Variants in TLE4 observed in about 807,000 individuals in gnomAD.
TLE4 encodes the protein transducin-like enhancer protein 4.
TLE4 carries 8 observed loss-of-function variants against 92.8 expected under a neutral mutation model. That is an observed-to-expected ratio of 0.09 (90% CI 0.05 to 0.16). The LOEUF (loss-of-function observed/expected upper bound fraction) is 0.16, where lower values mean the gene tolerates loss of function less well. Ranked by LOEUF, TLE4 falls within the 10% of genes least tolerant of loss-of-function variation. TLE4 has a pLI of 1.00. For missense variants in TLE4, 675 were observed against 997.6 expected (o/e 0.68, Z 4.36); for synonymous variants, 371 against 374.1 (o/e 0.99, Z 0.10).
intron 12 of TLE4, among the ~76,000 whole-genome samples, 163 bp from the exon 13 acceptor site, chr9:79,708,430 A>G (rs576159977): frequency 5.2e-4 from 79 of 152,380 alleles, no homozygotes; most frequent in Non-Finnish European, 8.7e-4. Context: ...TAAGTGTTCA[A>G]TAGAACAAAG....
At chr9:79,573,175 G>C (rs1008284172) in intron 1 of TLE4, 1 of 916,178 alleles carries the variant, frequency 1.1e-6, no homozygotes, top group Non-Finnish European at 1.3e-6. Flanking sequence ...GGCGGGGAGG[G>C]CGCCCTCGGC....
At chr9:79,713,880 T>C (rs2073932270) in intron 14 of TLE4, among the ~76,000 whole-genome samples, 1 of 147,002 alleles carries the variant, frequency 6.8e-6, no homozygotes. Context: ...TTGTTGTTGT[T>C]TGAGAGAGAG....
At chr9:79,615,995 C>G (rs907087455) in intron 5 of TLE4, among the ~76,000 whole-genome samples, 9 of 152,108 alleles carry the variant, frequency 5.9e-5, no homozygotes, top group African/African-American at 1.2e-4. Context: ...CCTTGTGAAC[C>G]CTCATCTGTC....
At chr9:79,654,375 TTGGC>T (rs888130971) in intron 8 of TLE4, among the ~76,000 whole-genome samples, 15 of 152,250 alleles carry the variant, frequency 9.9e-5, no homozygotes, top group Admixed American at 7.2e-4. Context: ...CACTTAGGCT[TTGGC>T]TGTAAGATAA....
chr9:79,652,029 A>G (rs894890309), intron 6 of TLE4, among the ~76,000 whole-genome samples: 1 of 152,152 alleles, frequency 6.6e-6, no homozygotes, highest in Admixed American at 6.5e-5. Context: ...TTACTTATAT[A>G]CTTTCACCAC....
chr9:79,660,730 A>AG (rs2060409685), intron 8 of TLE4, among the ~76,000 whole-genome samples: 1 of 152,212 alleles, frequency 6.6e-6, no homozygotes. Flanking sequence ...CAGGTGTCCT[A>AG]ATTCTAGAAA....
intron 8 of TLE4, among the ~76,000 whole-genome samples, chr9:79,681,564 AT>A (rs2064591906): frequency 6.6e-6 from 1 of 152,146 alleles, no homozygotes; most frequent in Non-Finnish European, 1.5e-5. Context: ...TCTCTCAGGA[AT>A]TGAAGATCGA....
At chr9:79,599,952 T>A (rs145530222) in intron 4 of TLE4, among the ~76,000 whole-genome samples, 1 of 152,348 alleles carries the variant, frequency 6.6e-6, no homozygotes, top group Non-Finnish European at 1.5e-5. Context: ...CCTCCACCTA[T>A]GATGTGAGCT....
At chr9:79,665,361 C>G (rs996848439) in intron 8 of TLE4, among the ~76,000 whole-genome samples, 1 of 152,136 alleles carries the variant, frequency 6.6e-6, no homozygotes, top group Non-Finnish European at 1.5e-5. Flanking sequence ...AGATACAATC[C>G]CTTCCTTCAA....
chr9:79,623,273 G>C (rs943556613), intron 5 of TLE4, among the ~76,000 whole-genome samples: 1 of 151,786 alleles, frequency 6.6e-6, no homozygotes, highest in African/African-American at 2.4e-5. Flanking sequence ...TGCATCTGTT[G>C]CTGTGCCCTA....
intron 14 of TLE4, among the ~76,000 whole-genome samples, chr9:79,713,990 A>G (rs576602015): frequency 2.0e-4 from 30 of 152,122 alleles, no homozygotes; most frequent in Middle Eastern, 3.4e-3. Context: ...CGGCCTCCCA[A>G]GTAGCTGGGA....
At chr9:79,594,347 T>G (rs1361639527) in intron 4 of TLE4, among the ~76,000 whole-genome samples, 1 of 152,192 alleles carries the variant, frequency 6.6e-6, no homozygotes, top group Non-Finnish European at 1.5e-5. Flanking sequence ...CTACATTGTA[T>G]CTCCATGGTA....
intron 4 of TLE4, among the ~76,000 whole-genome samples, chr9:79,585,498 A>T (rs1466497344): frequency 1.3e-5 from 2 of 152,198 alleles, no homozygotes; most frequent in African/African-American, 2.4e-5. Flanking sequence ...TGGCCTTGCT[A>T]GTCACCAGCT....
At chr9:79,603,793 A>C (rs575053838) in intron 4 of TLE4, among the ~76,000 whole-genome samples, 31 of 152,212 alleles carry the variant, frequency 2.0e-4, no homozygotes, top group Non-Finnish European at 3.7e-4. Flanking sequence ...TATTCAACAA[A>C]AGCGTATTGA....
intron 4 of TLE4, among the ~76,000 whole-genome samples, chr9:79,609,678 A>G (rs537781144): frequency 6.6e-6 from 1 of 152,174 alleles, no homozygotes; most frequent in East Asian, 1.9e-4. Flanking sequence ...CTATTTTAGA[A>G]TATCATGAGC....
In TLE4 at chr9:79,612,636, C is replaced by T. The variant is rs774367144; in HGVS notation, c.253-20C>T. On this transcript the variant is annotated intron_variant, in intron 4 of 19. Coordinates refer to ENST00000376552, the MANE Select transcript of TLE4 (RefSeq NM_007005.6). ...GCTGACTGTTCTCTTTATTGCTTTC[C>T]TTTCCCTTATTTTTTGCAGGCAGAG... The T allele has an allele frequency of 3.7e-6, 6 of 1,610,470 alleles. No homozygotes were observed. Among genetic ancestry groups the T allele is most frequent in the South Asian group, 1.1e-5 (1 of 90,986 alleles).
chr9:79,573,431 G>T (rs916272550), intron 1 of TLE4: 39 of 1,183,512 alleles, frequency 3.3e-5, no homozygotes, highest in Non-Finnish European at 4.1e-5. Context: ...CCGGGGAGGG[G>T]AGACGGGACT....
At chr9:79,637,231 T>C (rs572134951) in intron 6 of TLE4, among the ~76,000 whole-genome samples, 108 of 152,356 alleles carry the variant, frequency 7.1e-4, no homozygotes, top group African/African-American at 2.4e-3. Context: ...GTAGATGTTA[T>C]TGAATATTCG....
chr9:79,594,163 CA>C (rs2043373250), intron 4 of TLE4, among the ~76,000 whole-genome samples: 2 of 152,162 alleles, frequency 1.3e-5, no homozygotes, highest in Non-Finnish European at 2.9e-5. Flanking sequence ...CAGTGCTGCT[CA>C]AAATTCAATG....
Sources: gnomAD v4.1 joint callset for allele counts (sites outside exome capture counted in the v4.1 genomes callset) on GRCh38, gnomAD v4.1.1 for gene constraint, MANE v1.5 for transcripts, NCBI Gene and HGNC (gene_info 2026-07-23, HGNC 2026-07-21) for gene names.